KLF2: variants seen among roughly 807,000 people sequenced by gnomAD.
KLF2 encodes Krueppel-like factor 2.
A neutral mutation model predicts 22.2 loss-of-function variants in KLF2; 9 were observed. The observed-to-expected ratio is 0.40, with a 90% confidence interval of 0.24 to 0.71. KLF2 has a LOEUF of 0.71. Ranked by LOEUF, KLF2 falls within the 30% of genes least tolerant of loss-of-function variation. The pLI, the probability that KLF2 is intolerant of heterozygous loss-of-function variation, is 0.35. For synonymous variants in KLF2, 299 were observed against 264.2 expected, an observed-to-expected ratio of 1.13 and a Z score of -1.28; for missense variants, 481 against 542.1, an observed-to-expected ratio of 0.89 and a Z score of 1.12.
chr19:16,326,677 G>T (rs781402926), intron 2 of KLF2, among the ~76,000 whole-genome samples, 179 bp from the exon 3 acceptor site: 2 of 152,012 alleles, frequency 1.3e-5, no homozygotes, highest in African/African-American at 2.4e-5. Context: ...CCCCCTGGGG[G>T]TGAGGATCCG....
rs947055171 is a variant in KLF2 at position 16,325,571 on chromosome 19, C to A, written c.431C>A (p.Pro144Gln). ...YGCAPGLTRG[P>Q]RGLKREGAPG... is the part of the protein sequence containing the mutation. Reference sequence around the variant, plus strand: ...TGCGCCCCCGGGCTGACCCGTGGACCGCGCGGCCTCAAGCGCGAGGGCGCC... The same window carrying A: ...TGCGCCCCCGGGCTGACCCGTGGACAGCGCGGCCTCAAGCGCGAGGGCGCC... Residue 144 changes from proline (P) to glutamine (Q), a missense_variant, in exon 2 of 3, where the codon CCG becomes CAG. Coordinates refer to ENST00000248071, the MANE Select transcript of KLF2 (RefSeq NM_016270.4). 6.0e-6 allele frequency: 7 copies of A among 1,166,500 alleles called. No homozygotes were observed. The East Asian group carries it at 2.7e-4, about 45-fold the overall frequency. The allele number at this position is 1,166,500 out of a possible 1,614,324, so 72.3% of individuals were successfully genotyped here. A position where few individuals can be genotyped will look rare whatever the true frequency, so the allele number is the denominator to read the frequency against.
intron 1 of KLF2, 108 bp downstream of exon 1, chr19:16,325,106 CAG>C: frequency 7.5e-7 from 1 of 1,326,090 alleles, no homozygotes; most frequent in East Asian, 2.8e-5. Context: ...ACTGCAGACT[CAG>C]GAGAGGAGGA....
chr19:16,324,891 C>T lies in KLF2; in HGVS notation c.-33C>T. 6.4e-7 allele frequency: 1 copy of T among 1,570,412 alleles called. No homozygotes were observed. Reference sequence around the variant, plus strand: ...CCTCGGGCAGCCACTCACCGGTGTCCCCGTCCGCGTCCTTTCTCCCCGGGT... The same window carrying T: ...CCTCGGGCAGCCACTCACCGGTGTCTCCGTCCGCGTCCTTTCTCCCCGGGT... On this transcript the variant is annotated 5_prime_UTR_variant, in exon 1 of 3. Coordinates refer to ENST00000248071, the MANE Select transcript of KLF2 (RefSeq NM_016270.4).
chr19:16,325,713 C>T lies in KLF2; in HGVS notation c.573C>T (p.Ala191=), dbSNP rs2091887557. The change falls in exon 2 of 3, where the codon GCC becomes GCT. Residue 191 remains alanine, a synonymous_variant. Transcript: ENST00000248071. ...PARLPAPGPR[A]SFPPPFGGPG... is the part of the protein sequence containing the mutation. ...GCCTGCCCGCGCCCGGTCCGCGCGC[C>T]TCCTTCCCGCCGCCTTTCGGTGGCC... 4.2e-6 allele frequency: 5 copies of T among 1,186,328 alleles called. No homozygotes were observed. The highest frequency in any genetic ancestry group is 7.9e-5 in the South Asian group (2 of 25,390). The allele number at this position is 1,186,328 out of a possible 1,614,324, so 73.5% of individuals were successfully genotyped here.
At position 16,325,810 on chromosome 19, in the gene KLF2, G is replaced by T. The variant is rs1387665480; in HGVS notation, c.670G>T (p.Asp224Tyr). ...GCCCCCAGCCTTCGGTCTCTTCGAC[G>T]ACGCGGCCGCCGCCGCGGCAGCCCT... ...PAPPAFGLFD[D>Y]AAAAAAALGL... The change falls in exon 2 of 3, where the codon GAC becomes TAC. Residue 224 changes from aspartate to tyrosine, a missense_variant. Transcript: ENST00000248071. 3 of 1,348,998 alleles carry T rather than the reference G, an allele frequency of 2.2e-6. No homozygotes were observed. Among genetic ancestry groups the T allele is most frequent in the Non-Finnish European group, 2.8e-6 (3 of 1,058,754 alleles). The allele number at this position is 1,348,998 out of a possible 1,614,324, so 83.6% of individuals were successfully genotyped here.
At position 16,327,435 on chromosome 19, in the gene KLF2, G is replaced by C. The variant is rs1398998328; in HGVS notation, c.*404G>C. 5.0e-5 allele frequency: 8 copies of C among 158,912 alleles called. No homozygotes were observed. The allele number at this position is 158,912 out of a possible 1,614,324, so 9.8% of individuals were successfully genotyped here. On this transcript the variant is annotated 3_prime_UTR_variant, in exon 3 of 3. Coordinates refer to ENST00000248071, the MANE Select transcript of KLF2 (RefSeq NM_016270.4). ...CAAATATTGTATTACTGTACATAGA[G>C]AGACAGGTGGGCATTTTTGGGCTAC...
At position 16,325,346 on chromosome 19, in the gene KLF2, C is replaced by A; in HGVS notation, c.206C>A (p.Pro69Gln). ...EAAPEPPPPP[P>Q]PPAFYYPEPG... The stretch of plus-strand genomic sequence containing the variant: ...GCCCCGGAGCCGCCGCCGCCGCCCC[C>A]GCCGCCTGCGTTCTATTACCCCGAA... The change falls in exon 2 of 3, where the codon CCG becomes CAG. Residue 69 changes from proline (P) to glutamine (Q), a missense_variant. Physicochemically the swap from Pro to Gln is moderately conservative, Grantham distance 76. Transcript: ENST00000248071. 6.8e-7 allele frequency: 1 copy of A among 1,466,522 alleles called. No individual in the cohort carries two copies. The highest frequency in any genetic ancestry group is 8.9e-7 in the Non-Finnish European group (1 of 1,117,466). The allele number at this position is 1,466,522 out of a possible 1,614,324, so 90.8% of individuals were successfully genotyped here.
In KLF2 at chr19:16,328,524, T is replaced by A. The variant is rs1235185997; in HGVS notation, c.*1493T>A. Among the ~76,000 whole-genome samples the A allele has an allele frequency of 2.0e-5, 3 of 152,178 alleles. No homozygotes were observed. The highest frequency in any genetic ancestry group is 4.4e-5 in the Non-Finnish European group (3 of 68,032). On this transcript the variant is annotated 3_prime_UTR_variant, in exon 3 of 3. Transcript: ENST00000248071. ...CTGCTTTAAAACACTCTCACCCCGT[T>A]GCGACAGAGGCTGGGATTTCCTCCC...
chr19:16,326,949 A>T lies in KLF2; in HGVS notation c.986A>T (p.His329Leu). 6.2e-7 allele frequency: 1 copy of T among 1,613,532 alleles called. No homozygotes were observed. Among genetic ancestry groups the T allele is most frequent in the Non-Finnish European group, 8.5e-7 (1 of 1,179,962 alleles). Residue 329 changes from histidine (H) to leucine (L), a missense_variant, in exon 3 of 3, where the codon CAC becomes CTC. His to Leu is a moderately conservative substitution (Grantham distance 99). Transcript: ENST00000248071. ...CGCCACTACCGAAAGCACACGGGCC[A>T]CCGGCCATTCCAGTGCCATCTGTGC... ...LTRHYRKHTG[H>L]RPFQCHLCDR...
At chr19:16,326,636 A>G (rs1193582763) in intron 2 of KLF2, among the ~76,000 whole-genome samples, 1 of 151,920 alleles carries the variant, frequency 6.6e-6, no homozygotes, top group African/African-American at 2.4e-5. Flanking sequence ...GTGGCTGACA[A>G]CAGTGGGGAG....
Position 16,325,483 on chromosome 19 carries a change from G to A in KLF2, c.343G>A (p.Ala115Thr), listed in dbSNP as rs750566660. 1.1e-4 allele frequency: 156 copies of A among 1,359,798 alleles called. No individual in the cohort carries two copies. In the African/African-American group the frequency reaches 2.2e-3, roughly 19 times the overall value. 84.2% of individuals were successfully genotyped at this position (1,359,798 alleles called of 1,614,324 possible). A position where few individuals can be genotyped will look rare whatever the true frequency, so the allele number is the denominator to read the frequency against. ...GPALHGRFLL[A>T]PPGRLVKAEP... ...CGCACTGCACGGCCGCTTTCTGCTGGCGCCGCCCGGCCGCCTGGTCAAGGC... is the reference window on the plus strand; with the variant it reads ...CGCACTGCACGGCCGCTTTCTGCTGACGCCGCCCGGCCGCCTGGTCAAGGC... The change falls in exon 2 of 3, where the codon GCG becomes ACG. Residue 115 changes from alanine to threonine, a missense_variant. Physicochemically the swap from Ala to Thr is moderately conservative, Grantham distance 58. Transcript: ENST00000248071.
chr19:16,328,409 C>A lies in KLF2; in HGVS notation c.*1378C>A, dbSNP rs967956860. On this transcript the variant is annotated 3_prime_UTR_variant, in exon 3 of 3. Coordinates refer to ENST00000248071, the MANE Select transcript of KLF2 (RefSeq NM_016270.4). Reference sequence around the variant, plus strand: ...CCCCCAGATTTCACCTGCCACCCCTCACCTTCCCCATTCTCAGGGGCCCCG... The same window carrying A: ...CCCCCAGATTTCACCTGCCACCCCTAACCTTCCCCATTCTCAGGGGCCCCG... 6.6e-6 allele frequency among the ~76,000 whole-genome samples: 1 copy of A among 152,138 alleles called. No homozygotes were observed. Among genetic ancestry groups the A allele is most frequent in the Non-Finnish European group, 1.5e-5 (1 of 68,038 alleles).
chr19:16,324,865 G>C lies in KLF2; in HGVS notation c.-59G>C. On this transcript the variant is annotated 5_prime_UTR_variant, in exon 1 of 3. Transcript: ENST00000248071. ...GCCCGCCCGCGCCCCGACCAGCCCG[G>C]CCTCGGGCAGCCACTCACCGGTGTC... 9 of 1,440,148 alleles carry C rather than the reference G, an allele frequency of 6.2e-6. No homozygotes were observed. The highest frequency in any genetic ancestry group is 7.6e-6 in the Non-Finnish European group (8 of 1,053,534). 89.2% of individuals were successfully genotyped at this position (1,440,148 alleles called of 1,614,324 possible).
At position 16,327,188 on chromosome 19, in the gene KLF2, G is replaced by T; in HGVS notation, c.*157G>T. 1 of 653,018 alleles carries T rather than the reference G, an allele frequency of 1.5e-6. No individual in the cohort carries two copies. The highest frequency in any genetic ancestry group is 2.9e-5 in the East Asian group (1 of 34,088). The allele number at this position is 653,018 out of a possible 1,614,324, so 40.5% of individuals were successfully genotyped here. A position where few individuals can be genotyped will look rare whatever the true frequency, so the allele number is the denominator to read the frequency against. On this transcript the variant is annotated 3_prime_UTR_variant, in exon 3 of 3. Transcript: ENST00000248071. The stretch of plus-strand genomic sequence containing the variant: ...CTCCCTCGATGACGACGACGACGAC[G>T]CCACCACCCCAGCCCCCGTCTGTGA...
In KLF2 at chr19:16,327,160, G is replaced by A. The variant is rs1328308781; in HGVS notation, c.*129G>A. ...GGCCGGGCACAGCGTGGCTACAGAG[G>A]GTCTCCCTCGATGACGACGACGACG... is the stretch of plus-strand genomic sequence containing the variant. On this transcript the variant is annotated 3_prime_UTR_variant, in exon 3 of 3. Transcript: ENST00000248071. 4.4e-6 allele frequency: 4 copies of A among 903,478 alleles called. No homozygotes were observed. Among genetic ancestry groups the A allele is most frequent in the South Asian group, 3.7e-5 (2 of 53,436 alleles). The allele number at this position is 903,478 out of a possible 1,614,324, so 56.0% of individuals were successfully genotyped here.
At position 16,325,761 on chromosome 19, in the gene KLF2, C is replaced by A. The variant is rs2091887747; in HGVS notation, c.621C>A (p.Pro207=). 4.8e-6 allele frequency: 6 copies of A among 1,255,822 alleles called. No homozygotes were observed. The South Asian group carries it at 1.7e-4, about 36-fold the overall frequency. 77.8% of individuals were successfully genotyped at this position (1,255,822 alleles called of 1,614,324 possible). ...FGGPGFGAPG[P]GLHYAPPAPP... ...GCCCTGGTTTCGGCGCGCCCGGGCCCGGCCTGCATTACGCGCCGCCTGCGC... is the reference window on the plus strand; with the variant it reads ...GCCCTGGTTTCGGCGCGCCCGGGCCAGGCCTGCATTACGCGCCGCCTGCGC... The change falls in exon 2 of 3, where the codon CCC becomes CCA. Residue 207 remains proline (P), a synonymous_variant. Transcript: ENST00000248071.
At position 16,328,423 on chromosome 19, in the gene KLF2, T is replaced by G. The variant is rs1458980218; in HGVS notation, c.*1392T>G. 6.6e-6 allele frequency among the ~76,000 whole-genome samples: 1 copy of G among 151,950 alleles called. No homozygotes were observed. Among genetic ancestry groups the G allele is most frequent in the African/African-American group, 2.4e-5 (1 of 41,354 alleles). Reference sequence around the variant, plus strand: ...CTGCCACCCCTCACCTTCCCCATTCTCAGGGGCCCCGGGTAACCATGACCA... The same window carrying G: ...CTGCCACCCCTCACCTTCCCCATTCGCAGGGGCCCCGGGTAACCATGACCA... On this transcript the variant is annotated 3_prime_UTR_variant, in exon 3 of 3. Transcript: ENST00000248071.
chr19:16,325,724 C>G lies in KLF2; in HGVS notation c.584C>G (p.Pro195Arg), dbSNP rs1028070245. The G allele has an allele frequency of 1.7e-6, 2 of 1,199,504 alleles. No individual in the cohort carries two copies. The highest frequency in any genetic ancestry group is 3.9e-5 in the South Asian group (1 of 25,844). The allele number at this position is 1,199,504 out of a possible 1,614,324, so 74.3% of individuals were successfully genotyped here. Residue 195 changes from proline (P) to arginine (R), a missense_variant, in exon 2 of 3, where the codon CCG (proline) becomes CGG (arginine). Transcript: ENST00000248071. ...CCCGGTCCGCGCGCCTCCTTCCCGC[C>G]GCCTTTCGGTGGCCCTGGTTTCGGC... ...PAPGPRASFP[P>R]PFGGPGFGAP...
Position 16,325,339 on chromosome 19 carries a change from C to T in KLF2, c.199C>T (p.Pro67Ser). The T allele has an allele frequency of 1.4e-6, 2 of 1,467,282 alleles. No homozygotes were observed. Among genetic ancestry groups the T allele is most frequent in the Non-Finnish European group, 1.8e-6 (2 of 1,117,400 alleles). The allele number at this position is 1,467,282 out of a possible 1,614,324, so 90.9% of individuals were successfully genotyped here. ...GAEAAPEPPP[P>S]PPPPAFYYPE... ...CGAGGCCGCCCCGGAGCCGCCGCCG[C>T]CGCCCCCGCCGCCTGCGTTCTATTA... The change falls in exon 2 of 3, where the codon CCG becomes TCG. Residue 67 changes from proline to serine, a missense_variant. Pro to Ser is a moderately conservative substitution (Grantham distance 74). This residue lies in a region of KLF2 where 421 missense variants were observed against 435.1 expected (regional missense o/e 0.97). Transcript: ENST00000248071.
Sources: allele counts gnomAD v4.1 joint callset (sites outside exome capture counted in the v4.1 genomes callset), GRCh38; gene constraint gnomAD v4.1.1; regional missense constraint gnomAD v4.1.1; transcripts MANE v1.5; gene names NCBI Gene and HGNC (gene_info 2026-07-23, HGNC 2026-07-21).